The following ECE1 variants were observed in gnomAD, a reference collection of about 807,000 sequenced individuals.
ECE1 encodes endothelin converting enzyme 1, also known as endothelin-converting enzyme 1.
A neutral mutation model predicts 98.6 loss-of-function variants in ECE1; 35 were observed. The ratio of observed to expected loss-of-function variants is 0.35; its 90% CI spans 0.27 to 0.47. ECE1 has a LOEUF of 0.47. Among genes scored for constraint, ECE1 ranks in the 20% least tolerant of loss-of-function variants. The pLI is 1.00. For missense variants in ECE1, 814 were observed against 1,025.3 expected (o/e 0.79, Z 2.81); for synonymous variants, 394 against 407.1 (o/e 0.97, Z 0.39).
chr1:21,308,857 A>AG (rs1638655145), intron 1 of ECE1, among the ~76,000 whole-genome samples: 1 of 152,100 alleles, frequency 6.6e-6, no homozygotes, highest in South Asian at 2.1e-4. Flanking sequence ...TTCCCTTGCT[A>AG]GGAGCAGTTT....
rs1049107956 is a variant in ECE1 at position 21,340,750 on chromosome 1, T to C, written c.3+4626A>G. Among the ~76,000 whole-genome samples the C allele has an allele frequency of 4.6e-5, 7 of 152,102 alleles. No homozygotes were observed. The highest frequency in any genetic ancestry group is 1.3e-4 in the Admixed American group (2 of 15,284). On this transcript the variant is annotated intron_variant, in intron 1 of 18. Transcript: ENST00000415912. The surrounding 1 kb of genome is among the most constrained non-coding windows in gnomAD (Gnocchi z 4.6). ...TACTCGGGAGACTGAGGAGAATCAC[T>C]TGAACCAGGGAGGCTGAGGCTGCAG...
chr1:21,339,015 T>C (rs777130040), intron 1 of ECE1, among the ~76,000 whole-genome samples: 1 of 151,804 alleles, frequency 6.6e-6, no homozygotes, highest in Non-Finnish European at 1.5e-5. Context: ...GGCTATGTGG[T>C]CAGAAAGGCT....
intron 16 of ECE1, among the ~76,000 whole-genome samples, chr1:21,226,275 C>A (rs1471947087): frequency 6.6e-6 from 1 of 152,182 alleles, no homozygotes; most frequent in Non-Finnish European, 1.5e-5. Context: ...CTAATAGGAA[C>A]CCCAAGAGCG....
chr1:21,296,522 A>C (rs562117922), intron 1 of ECE1, among the ~76,000 whole-genome samples: 1 of 152,086 alleles, frequency 6.6e-6, no homozygotes, highest in Non-Finnish European at 1.5e-5. Context: ...CAACTACAAA[A>C]AAAAGAGAGA....
intron 2 of ECE1, among the ~76,000 whole-genome samples, chr1:21,284,745 G>A (rs2098258664): frequency 1.3e-5 from 2 of 152,234 alleles, no homozygotes; most frequent in Non-Finnish European, 2.9e-5. Flanking sequence ...AGCAGAAAGG[G>A]TGGGGAGCCA....
In ECE1 at chr1:21,344,067, T is replaced by C. The variant is rs74388044; in HGVS notation, c.3+1309A>G. Among the ~76,000 whole-genome samples, 4 of 152,222 alleles carry C rather than the reference T, an allele frequency of 2.6e-5. No individual in the cohort carries two copies. In the East Asian group the frequency reaches 7.7e-4, roughly 29 times the overall value. ...CGTGGTCTCTAAGCACCTTCAGGTA[T>C]AGAACTAAGCCATAATTCCACCACT... is the stretch of plus-strand genomic sequence containing the variant. On this transcript the variant is annotated intron_variant, in intron 1 of 18. Coordinates refer to the ECE1 transcript ENST00000415912.
Position 21,304,058 on chromosome 1 carries a change from G to C in ECE1, c.4-13902C>G, listed in dbSNP as rs183409514. ...GGGCCGGGCGCAGTGGCTCACGCCT[G>C]TAATCCCAGCACTCTGGGAGGCTGA... On this transcript the variant is annotated intron_variant, in intron 1 of 18. Coordinates refer to the ECE1 transcript ENST00000415912. Among the ~76,000 whole-genome samples the C allele has an allele frequency of 5.7e-4, 85 of 150,280 alleles. No individual in the cohort carries two copies. In the East Asian group the frequency reaches 6.1e-3, roughly 11 times the overall value.
chr1:21,237,296 C>T (rs1438822185), intron 11 of ECE1, among the ~76,000 whole-genome samples: 1 of 152,104 alleles, frequency 6.6e-6, no homozygotes, highest in Admixed American at 6.6e-5. Flanking sequence ...CATGCTCAGG[C>T]TGGATATAGA....
At chr1:21,310,016 T>C (rs186496888) in intron 1 of ECE1, among the ~76,000 whole-genome samples, 1 of 152,164 alleles carries the variant, frequency 6.6e-6, no homozygotes, top group East Asian at 1.9e-4. Context: ...GGTCTCGATC[T>C]CCTGACCTCG....
At chr1:21,304,119 T>C (rs2103381868) in intron 1 of ECE1, among the ~76,000 whole-genome samples, 1 of 149,648 alleles carries the variant, frequency 6.7e-6, no homozygotes. Flanking sequence ...ATCGAGACCA[T>C]CCTGGCCAAT....
intron 1 of ECE1, among the ~76,000 whole-genome samples, chr1:21,321,776 C>T (rs537700459): frequency 2.6e-5 from 4 of 152,252 alleles, no homozygotes; most frequent in South Asian, 2.1e-4. Flanking sequence ...CCACCACACC[C>T]GGCTAATTTT....
At chr1:21,262,089 T>C in intron 4 of ECE1, among the ~76,000 whole-genome samples, 1 of 151,952 alleles carries the variant, frequency 6.6e-6, no homozygotes, top group Admixed American at 6.6e-5. Flanking sequence ...GATCAGAGCA[T>C]CGAGCCCCGG....
At position 21,272,696 on chromosome 1, in the gene ECE1, T is replaced by C; in HGVS notation, c.493+3A>G. On this transcript the variant is annotated splice_donor_region_variant and intron_variant, in intron 4 of 18. Coordinates refer to ENST00000374893, the MANE Select transcript of ECE1 (RefSeq NM_001397.3). ...TTTATTGGTCTCCATGCTGGATGCT[T>C]ACCGAGGAGGTGCTTGATGATTGCT... is the stretch of plus-strand genomic sequence containing the variant. 6.2e-7 allele frequency: 1 copy of C among 1,614,228 alleles called. No homozygotes were observed. The highest frequency in any genetic ancestry group is 1.1e-5 in the South Asian group (1 of 91,086).
At chr1:21,343,586 C>T (rs919981498) in intron 1 of ECE1, among the ~76,000 whole-genome samples, 6 of 152,252 alleles carry the variant, frequency 3.9e-5, no homozygotes, top group African/African-American at 1.4e-4. Context: ...TGGGTTATCT[C>T]ACCCTTTGGA....
chr1:21,247,412 A>G (rs2098205338), intron 8 of ECE1, 49 bp from the exon 9 acceptor site: 2 of 1,613,834 alleles, frequency 1.2e-6, no homozygotes, highest in Non-Finnish European at 1.7e-6. Flanking sequence ...TCCTCCTCAC[A>G]GCCCAGGGCT....
chr1:21,320,003 C>T (rs1360996551), intron 1 of ECE1, among the ~76,000 whole-genome samples: 1 of 152,218 alleles, frequency 6.6e-6, no homozygotes, highest in Non-Finnish European at 1.5e-5. Context: ...ACATAAAATA[C>T]ACCAACGATA....
At chr1:21,279,655 A>G in intron 2 of ECE1, 1 of 1,415,828 alleles carries the variant, frequency 7.1e-7, no homozygotes, top group South Asian at 1.6e-5. Flanking sequence ...TCAAAAAAGA[A>G]CAGGATGTTT....
intron 10 of ECE1, among the ~76,000 whole-genome samples, chr1:21,243,062 G>A (rs540694559): frequency 5.9e-5 from 9 of 152,124 alleles, no homozygotes; most frequent in Non-Finnish European, 1.2e-4. Context: ...TTAACTTTTG[G>A]TTCCTGCAGA....
rs1468482421 is a variant in ECE1, at chr1:21,225,235, G to A, written c.2040+15C>T. 2 of 1,613,768 alleles carry A rather than the reference G, an allele frequency of 1.2e-6. No individual in the cohort carries two copies. Among genetic ancestry groups the A allele is most frequent in the Admixed American group, 3.3e-5 (2 of 60,022 alleles). On this transcript the variant is annotated intron_variant, in intron 17 of 18. Coordinates refer to ENST00000374893, the MANE Select transcript of ECE1 (RefSeq NM_001397.3). The surrounding 1 kb of genome is among the most constrained non-coding windows in gnomAD (Gnocchi z 5.3). ...AGCACTGGGACCGTGCGCGTGTGGG[G>A]AGCGGGGCTCTCACCCGATAGGCCG...
Sources: allele counts gnomAD v4.1 joint callset (sites outside exome capture counted in the v4.1 genomes callset), GRCh38; gene constraint gnomAD v4.1.1; non-coding constraint Gnocchi (gnomAD v3.1); transcripts MANE v1.5; gene names NCBI Gene and HGNC (gene_info 2026-07-23, HGNC 2026-07-21).